TPH2: variants seen among roughly 807,000 people sequenced by gnomAD.
TPH2 encodes tryptophan hydroxylase 2, also known as tryptophan 5-hydroxylase 2.
TPH2 carries 27 observed loss-of-function variants against 59.1 expected under a neutral mutation model. The ratio of observed to expected loss-of-function variants is 0.46; its 90% CI spans 0.34 to 0.63. The LOEUF (loss-of-function observed/expected upper bound fraction) is 0.63. Ranked by LOEUF, TPH2 falls within the 30% of genes least tolerant of loss-of-function variation. The pLI is 0.01. For synonymous variants in TPH2, 220 were observed against 210.5 expected, an observed-to-expected ratio of 1.05 and a Z score of -0.39; for missense variants, 523 against 588.3, an observed-to-expected ratio of 0.89 and a Z score of 1.15.
rs950807523 is a variant in TPH2, at chr12:72,004,378, T to C, written c.1068+9813T>C. ...TGTACATATGACATTATCTATGTCA[T>C]ACCCAGGTCTGGAAATACTTCTTCT... On this transcript the variant is annotated intron_variant, in intron 8 of 10. Coordinates refer to ENST00000333850, the MANE Select transcript of TPH2 (RefSeq NM_173353.4). Among the ~76,000 whole-genome samples, 3 of 150,442 alleles carry C rather than the reference T, an allele frequency of 2.0e-5. 1 individual carries two copies. Among genetic ancestry groups the C allele is most frequent in the Admixed American group, 6.8e-5 (1 of 14,812 alleles).
intron 7 of TPH2, among the ~76,000 whole-genome samples, chr12:71,983,885 T>C (rs566043100): frequency 5.3e-5 from 8 of 151,966 alleles, no homozygotes; most frequent in Non-Finnish European, 1.2e-4. Flanking sequence ...CAGTGGTCTG[T>C]TTAAAAGGCA....
At chr12:72,021,597 A>T (rs1285119140) in intron 8 of TPH2, among the ~76,000 whole-genome samples, 1 of 152,116 alleles carries the variant, frequency 6.6e-6, no homozygotes, top group East Asian at 1.9e-4. Context: ...AGACTAATGT[A>T]AGTGTTCTGA....
rs973580784 is a variant in TPH2, at chr12:71,979,030, T to A, written c.884T>A (p.Val295Glu). 3.7e-6 allele frequency: 6 copies of A among 1,614,052 alleles called. No homozygotes were observed. Among genetic ancestry groups the A allele is most frequent in the Non-Finnish European group, 5.1e-6 (6 of 1,179,994 alleles). ...RDFLAGLAYR[V>E]FHCTQYIRHG... is the part of the protein sequence containing the mutation. ...TTTCTGGCAGGACTGGCCTACAGAG[T>A]GTTCCACTGTACCCAGTACATCCGG... is the stretch of plus-strand genomic sequence containing the variant. Residue 295 changes from valine to glutamate, a missense_variant, in exon 7 of 11, where the codon GTG (valine) becomes GAG (glutamate). By Grantham distance (121) the Val-to-Glu change is moderately radical. Coordinates refer to ENST00000333850, the MANE Select transcript of TPH2 (RefSeq NM_173353.4).
intron 6 of TPH2, among the ~76,000 whole-genome samples, chr12:71,974,254 T>C (rs926861134): frequency 1.3e-5 from 2 of 152,210 alleles, no homozygotes; most frequent in African/African-American, 2.4e-5. Flanking sequence ...TCCTTCTTTG[T>C]GTTAGTGTCC....
At chr12:72,016,933 G>A (rs1329569852) in intron 8 of TPH2, among the ~76,000 whole-genome samples, 1 of 152,124 alleles carries the variant, frequency 6.6e-6, no homozygotes, top group Non-Finnish European at 1.5e-5. Flanking sequence ...TTCAAGGAGG[G>A]ATGCAGAGGG....
At chr12:71,959,469 G>A (rs538128807) in intron 5 of TPH2, among the ~76,000 whole-genome samples, 2 of 152,308 alleles carry the variant, frequency 1.3e-5, no homozygotes, top group South Asian at 4.1e-4. Flanking sequence ...TTGTGTCTGA[G>A]CTAGGGGATT....
intron 7 of TPH2, among the ~76,000 whole-genome samples, chr12:71,985,180 A>C (rs1872396125): frequency 6.6e-6 from 1 of 152,214 alleles, no homozygotes; most frequent in African/African-American, 2.4e-5. Context: ...GGTTAAGTAC[A>C]TTGCCCAAGG....
intron 7 of TPH2, 147 bp downstream of exon 7, chr12:71,979,234 C>A: frequency 8.0e-7 from 1 of 1,256,990 alleles, no homozygotes; most frequent in Non-Finnish European, 1.1e-6. Context: ...GAGAAAAGGG[C>A]TCACTGAAGG....
chr12:72,029,950 C>G (rs913342446), intron 9 of TPH2, among the ~76,000 whole-genome samples: 1 of 152,104 alleles, frequency 6.6e-6, no homozygotes, highest in Non-Finnish European at 1.5e-5. Context: ...TCCAGGAAAC[C>G]TTAGCTGTTA....
intron 9 of TPH2, among the ~76,000 whole-genome samples, chr12:72,028,118 C>T (rs1368125198): frequency 6.6e-6 from 1 of 152,120 alleles, no homozygotes; most frequent in Non-Finnish European, 1.5e-5. Flanking sequence ...AGGTGACTCT[C>T]AAGCATTCCT....
At chr12:71,944,708 T>C in intron 4 of TPH2, 22 bp downstream of exon 4, 1 of 1,604,568 alleles carries the variant, frequency 6.2e-7, no homozygotes. Context: ...GTAAAATCTA[T>C]TTCTCACATG....
intron 5 of TPH2, 79 bp downstream of exon 5, chr12:71,949,734 T>G (rs1871293581): frequency 7.9e-7 from 1 of 1,267,398 alleles, no homozygotes; most frequent in South Asian, 1.2e-5. Context: ...CTGTCATCTC[T>G]TCACTTTAAC....
At chr12:71,955,798 G>A (rs1245625325) in intron 5 of TPH2, among the ~76,000 whole-genome samples, 1 of 152,050 alleles carries the variant, frequency 6.6e-6, no homozygotes, top group Non-Finnish European at 1.5e-5. Context: ...CCCTTTGGTT[G>A]CCAGTCTTCT....
At chr12:72,004,027 C>CTTCTTACTTTTTCTTCTCAAAGT (rs1427104147) in intron 8 of TPH2, among the ~76,000 whole-genome samples, 1 of 151,154 alleles carries the variant, frequency 6.6e-6, no homozygotes, top group East Asian at 2.0e-4. Context: ...CCATGCTTTG[C>CTTCTTACTTTTTCTTCTCAAAGT]ACACACTTCA....
intron 2 of TPH2, among the ~76,000 whole-genome samples, chr12:71,943,410 G>A (rs937225970): frequency 6.6e-6 from 1 of 152,088 alleles, no homozygotes; most frequent in African/African-American, 2.4e-5. Context: ...GGAGAGAACA[G>A]AGTCTTCAAT....
intron 7 of TPH2, among the ~76,000 whole-genome samples, chr12:71,982,676 T>A (rs1160536706): frequency 6.6e-6 from 1 of 152,186 alleles, no homozygotes; most frequent in Admixed American, 6.5e-5. Context: ...GGGCAGATTC[T>A]CCAATTTATG....
intron 5 of TPH2, among the ~76,000 whole-genome samples, chr12:71,966,665 C>A (rs1871827478): frequency 6.6e-6 from 1 of 152,200 alleles, no homozygotes; most frequent in South Asian, 2.1e-4. Context: ...TTACCCAATT[C>A]TCTGTTATCT....
In TPH2 at chr12:71,984,329, G is replaced by A. The variant is rs556840069; in HGVS notation, c.941+5242G>A. The stretch of plus-strand genomic sequence containing the variant: ...ATTATTTCTGACACATTTTTCATCC[G>A]TTTCTAAGTAAAGTAAATGAATTTT... On this transcript the variant is annotated intron_variant, in intron 7 of 10. Transcript: ENST00000333850. 1.1e-3 allele frequency among the ~76,000 whole-genome samples: 161 copies of A among 152,134 alleles called. 3 individuals carry two copies. In the South Asian group the frequency reaches 0.025, roughly 24 times the overall value.
intron 5 of TPH2, among the ~76,000 whole-genome samples, chr12:71,965,689 T>C (rs960122081): frequency 2.0e-5 from 3 of 152,240 alleles, no homozygotes; most frequent in African/African-American, 7.2e-5. Flanking sequence ...TGGTTTAAGT[T>C]CCTTATAGAT....
Sources: allele counts gnomAD v4.1 joint callset (sites outside exome capture counted in the v4.1 genomes callset), GRCh38; gene constraint gnomAD v4.1.1; transcripts MANE v1.5; gene names NCBI Gene and HGNC (gene_info 2026-07-23, HGNC 2026-07-21).